Variants in TRABD2B observed in about 807,000 individuals in gnomAD.
TRABD2B encodes TraB domain containing 2B.
A neutral mutation model predicts 40.1 loss-of-function variants in TRABD2B; 14 were observed. The ratio of observed to expected loss-of-function variants is 0.35; its 90% CI spans 0.23 to 0.55. The LOEUF (loss-of-function observed/expected upper bound fraction) is 0.55. Among genes scored for constraint, TRABD2B ranks in the 20% least tolerant of loss-of-function variants. The pLI is 0.90. For synonymous variants in TRABD2B, 263 were observed against 277.0 expected (o/e 0.95, Z 0.50); for missense variants, 541 against 648.6 (o/e 0.83, Z 1.80).
intron 2 of TRABD2B, among the ~76,000 whole-genome samples, chr1:47,814,868 G>T (rs1645009607): frequency 6.6e-6 from 1 of 152,204 alleles, no homozygotes; most frequent in Non-Finnish European, 1.5e-5. Flanking sequence ...CTTTTTGCCT[G>T]TCTGAAGTCA....
At chr1:47,941,355 T>A (rs1468386170) in intron 2 of TRABD2B, among the ~76,000 whole-genome samples, 1 of 151,982 alleles carries the variant, frequency 6.6e-6, no homozygotes, top group Non-Finnish European at 1.5e-5. Context: ...CACATACACA[T>A]CTATGTGTAC....
At chr1:47,822,722 T>G (rs1316076972) in intron 2 of TRABD2B, among the ~76,000 whole-genome samples, 1 of 152,244 alleles carries the variant, frequency 6.6e-6, no homozygotes, top group Admixed American at 6.5e-5. Flanking sequence ...AAACAGAAGT[T>G]AAATCACAAT....
At chr1:47,852,955 G>T (rs116672992) in intron 2 of TRABD2B, among the ~76,000 whole-genome samples, 1 of 151,910 alleles carries the variant, frequency 6.6e-6, no homozygotes, top group Non-Finnish European at 1.5e-5. Context: ...TCTTTGATTG[G>T]GTTTAAGAGT....
intron 4 of TRABD2B, among the ~76,000 whole-genome samples, chr1:47,790,203 C>T (rs1350537693): frequency 2.0e-5 from 3 of 152,230 alleles, no homozygotes; most frequent in Non-Finnish European, 2.9e-5. Flanking sequence ...ACCCAAGGAC[C>T]TGCATCTACA....
intron 4 of TRABD2B, among the ~76,000 whole-genome samples, chr1:47,792,450 G>C (rs980074339): frequency 6.6e-6 from 1 of 152,198 alleles, no homozygotes; most frequent in Non-Finnish European, 1.5e-5. Flanking sequence ...AGGAGGCTGG[G>C]ACTGGGATAG....
At position 47,763,474 on chromosome 1, in the gene TRABD2B, G is replaced by C. The variant is rs372733929; in HGVS notation, c.*2428C>G. 1 of 152,236 alleles carries C rather than the reference G, an allele frequency of 6.6e-6. No homozygotes were observed. Among genetic ancestry groups the C allele is most frequent in the Non-Finnish European group, 1.5e-5 (1 of 68,050 alleles). The allele number at this position is 152,236 out of a possible 1,614,324, so 9.4% of individuals were successfully genotyped here. ...TGAATCTTCCTGAAGTTAGGGGCCA[G>C]GACGACGTAATCTAGCATTGCACTG... On this transcript the variant is annotated 3_prime_UTR_variant, in exon 7 of 7. Coordinates refer to ENST00000606738, the MANE Select transcript of TRABD2B (RefSeq NM_001194986.2).
chr1:47,997,288 G>A lies in TRABD2B; in HGVS notation c.-499C>T, dbSNP rs925613283. 10 of 917,842 alleles carry A rather than the reference G, an allele frequency of 1.1e-5. No individual in the cohort carries two copies. Among genetic ancestry groups the A allele is most frequent in the Admixed American group, 6.3e-5 (1 of 15,926 alleles). The allele number at this position is 917,842 out of a possible 1,614,324, so 56.9% of individuals were successfully genotyped here. A position where few individuals can be genotyped will look rare whatever the true frequency, so the allele number is the denominator to read the frequency against. On this transcript the variant is annotated 5_prime_UTR_variant, in exon 1 of 7. Transcript: ENST00000606738. Reference sequence around the variant, plus strand: ...GGTGGGGGGCGGCTCTGGGGCGACCGGCTGCCCCCGAGCCCGGCTCAGAGG... The same window carrying A: ...GGTGGGGGGCGGCTCTGGGGCGACCAGCTGCCCCCGAGCCCGGCTCAGAGG...
At chr1:47,817,733 C>A (rs535838445) in intron 2 of TRABD2B, among the ~76,000 whole-genome samples, 1 of 152,160 alleles carries the variant, frequency 6.6e-6, no homozygotes, top group African/African-American at 2.4e-5. Context: ...ACGGGCTCCT[C>A]GCAGGACATG....
At chr1:47,893,133 C>G (rs1644472106) in intron 2 of TRABD2B, among the ~76,000 whole-genome samples, 1 of 152,154 alleles carries the variant, frequency 6.6e-6, no homozygotes, top group South Asian at 2.1e-4. Context: ...GGGTGTGTTT[C>G]ATCTCCCCTG....
chr1:47,899,394 G>A (rs1040350168), intron 2 of TRABD2B, among the ~76,000 whole-genome samples: 11 of 152,202 alleles, frequency 7.2e-5, no homozygotes, highest in Admixed American at 3.3e-4. Context: ...AAGGACCTGC[G>A]AGCGCTTCTG....
At chr1:47,787,130 G>A (rs1317630516) in intron 4 of TRABD2B, among the ~76,000 whole-genome samples, 4 of 152,194 alleles carry the variant, frequency 2.6e-5, no homozygotes, top group African/African-American at 7.2e-5. Flanking sequence ...GGGGAAGGAG[G>A]TTGGTGTGGG....
intron 2 of TRABD2B, among the ~76,000 whole-genome samples, chr1:47,814,785 A>G (rs766961544): frequency 2.6e-5 from 4 of 152,224 alleles, no homozygotes; most frequent in Non-Finnish European, 5.9e-5. Context: ...TACTCCTCCC[A>G]GGGTGCATCA....
chr1:47,821,451 T>C (rs1019111991), intron 2 of TRABD2B, among the ~76,000 whole-genome samples: 2 of 152,224 alleles, frequency 1.3e-5, no homozygotes, highest in South Asian at 2.1e-4. Flanking sequence ...AGGACTTGGC[T>C]GTGGGAGCAG....
chr1:47,800,597 T>TGGGAA (rs1644809451), intron 3 of TRABD2B, among the ~76,000 whole-genome samples: 1 of 152,212 alleles, frequency 6.6e-6, no homozygotes, highest in Non-Finnish European at 1.5e-5. Context: ...GTCCACGCAA[T>TGGGAA]GTCCTGAGCA....
At chr1:47,810,956 T>C (rs4927094) in intron 2 of TRABD2B, among the ~76,000 whole-genome samples, 89,255 of 152,122 alleles carry the variant, frequency 0.59, 26,540 homozygotes, top group South Asian at 0.76. Flanking sequence ...GGCGGGAGCC[T>C]AGGTGATGCT....
chr1:47,851,114 C>G (rs988673408), intron 2 of TRABD2B, among the ~76,000 whole-genome samples: 5 of 152,076 alleles, frequency 3.3e-5, no homozygotes, highest in African/African-American at 9.7e-5. Context: ...GGTGGAGACC[C>G]CTGTTCTATA....
intron 2 of TRABD2B, among the ~76,000 whole-genome samples, chr1:47,837,494 T>C (rs1056159594): frequency 1.3e-5 from 2 of 152,178 alleles, no homozygotes; most frequent in African/African-American, 4.8e-5. Flanking sequence ...CAGATCTAAT[T>C]TGACTTCCAC....
intron 2 of TRABD2B, among the ~76,000 whole-genome samples, chr1:47,950,344 TG>T: frequency 6.6e-6 from 1 of 151,916 alleles, no homozygotes; most frequent in East Asian, 1.9e-4. Context: ...TTCAGAAGCA[TG>T]GGCAGCAGGA....
chr1:47,996,897 C>A lies in TRABD2B; in HGVS notation c.-108G>T. The A allele has an allele frequency of 8.9e-7, 1 of 1,127,754 alleles. No individual in the cohort carries two copies. Among genetic ancestry groups the A allele is most frequent in the South Asian group, 4.4e-5 (1 of 22,602 alleles). 69.9% of individuals were successfully genotyped at this position (1,127,754 alleles called of 1,614,324 possible). A position where few individuals can be genotyped will look rare whatever the true frequency, so the allele number is the denominator to read the frequency against. Reference sequence around the variant, plus strand: ...TTTCCTCTGGAGCACGGGGCTCCAGCCGCAGGATGCTGGGCGCCCTCTGGG... The same window carrying A: ...TTTCCTCTGGAGCACGGGGCTCCAGACGCAGGATGCTGGGCGCCCTCTGGG... On this transcript the variant is annotated 5_prime_UTR_variant, in exon 1 of 7. Transcript: ENST00000606738. The surrounding 1 kb of genome is among the most constrained non-coding windows in gnomAD (Gnocchi z 4.6).
Sources: allele counts gnomAD v4.1 joint callset (sites outside exome capture counted in the v4.1 genomes callset), GRCh38; gene constraint gnomAD v4.1.1; non-coding constraint Gnocchi (gnomAD v3.1); transcripts MANE v1.5; gene names NCBI Gene and HGNC (gene_info 2026-07-23, HGNC 2026-07-21).